The following OTOP1 variants were observed in gnomAD, a reference collection of about 807,000 sequenced individuals.
The protein encoded by OTOP1 is proton channel OTOP1.
In OTOP1, 59 loss-of-function variants were observed where a neutral mutation model predicts 52.9. The observed-to-expected ratio is 1.12, with a 90% CI of 0.91 to 1.39. The LOEUF (loss-of-function observed/expected upper bound fraction) is 1.39, where lower values mean the gene tolerates loss of function less well. Among genes scored for constraint, OTOP1 ranks in the 40% most tolerant of loss-of-function variants. OTOP1 has a pLI of 0.00. For missense variants in OTOP1, 761 were observed against 800.9 expected (o/e 0.95, Z 0.60); for synonymous variants, 317 against 337.7 (o/e 0.94, Z 0.67).
chr4:4,198,135 C>T (rs781160613), intron 4 of OTOP1, 32 bp from the exon 5 acceptor site: 33 of 1,562,338 alleles, frequency 2.1e-5, no homozygotes, highest in Admixed American at 1.8e-4. Flanking sequence ...CACAGGAGGG[C>T]GATTAGCAGG....
At chr4:4,217,233 T>A (rs1250178664) in intron 1 of OTOP1, among the ~76,000 whole-genome samples, 1 of 152,228 alleles carries the variant, frequency 6.6e-6, no homozygotes, top group East Asian at 1.9e-4. Flanking sequence ...CATGAGGCAT[T>A]GTGTCAAGGG....
intron 5 of OTOP1, among the ~76,000 whole-genome samples, chr4:4,194,869 G>A (rs1466680949): frequency 3.9e-5 from 6 of 151,958 alleles, no homozygotes; most frequent in Admixed American, 3.9e-4. Flanking sequence ...TCCTTTATGT[G>A]TCTTTAAAAA....
chr4:4,205,550 T>A (rs1208177007), intron 3 of OTOP1, among the ~76,000 whole-genome samples: 1 of 152,146 alleles, frequency 6.6e-6, no homozygotes, highest in East Asian at 1.9e-4. Flanking sequence ...TTAGCTTTGT[T>A]TTGTCTTTAT....
intron 1 of OTOP1, among the ~76,000 whole-genome samples, chr4:4,219,927 ATG>A (rs1170422122): frequency 7.0e-6 from 1 of 142,082 alleles, no homozygotes; most frequent in African/African-American, 2.7e-5. Context: ...ATACGTATAC[ATG>A]TATACATATA....
chr4:4,217,513 T>A (rs1717178820), intron 1 of OTOP1, among the ~76,000 whole-genome samples: 1 of 152,202 alleles, frequency 6.6e-6, no homozygotes, highest in African/African-American at 2.4e-5. Context: ...TTTCAACAAC[T>A]ATTTATTGAG....
At chr4:4,201,541 A>T (rs1012345334) in intron 4 of OTOP1, among the ~76,000 whole-genome samples, 15 of 151,064 alleles carry the variant, frequency 9.9e-5, no homozygotes, top group Non-Finnish European at 1.9e-4. Flanking sequence ...GATTGATACC[A>T]AGGAGGACAT....
chr4:4,209,341 C>CT (rs1716975912), intron 2 of OTOP1, among the ~76,000 whole-genome samples: 3 of 151,896 alleles, frequency 2.0e-5, no homozygotes, highest in Non-Finnish European at 2.9e-5. Flanking sequence ...CATATATATA[C>CT]TTTTTTCCAT....
intron 3 of OTOP1, among the ~76,000 whole-genome samples, chr4:4,205,138 G>A (rs769082368): frequency 6.6e-6 from 1 of 152,130 alleles, no homozygotes; most frequent in African/African-American, 2.4e-5. Context: ...TTACCCTGTC[G>A]ATTCTTTCCT....
Position 4,197,619 on chromosome 4 carries a change from G to C in OTOP1, c.1215C>G (p.Ser405=). 2 of 1,614,028 alleles carry C rather than the reference G, an allele frequency of 1.2e-6. No homozygotes were observed. Among genetic ancestry groups the C allele is most frequent in the South Asian group, 1.1e-5 (1 of 91,038 alleles). The change falls in exon 5 of 6, where the codon TCC becomes TCG. Residue 405 remains serine (S), a synonymous_variant. Transcript: ENST00000296358. ...VGTASGSWLI[S]WGSILAILCA... ...AGAGGATGGCCAAGATTGAGCCCCA[G>C]GAGATAAGCCAGGAGCCCGAGGCAG...
chr4:4,226,345 A>C (rs1717432471), intron 1 of OTOP1, 117 bp downstream of exon 1: 2 of 1,033,554 alleles, frequency 1.9e-6, no homozygotes, highest in South Asian at 4.1e-5. Context: ...GCACAGAGAG[A>C]CCAAGGCAGA....
intron 1 of OTOP1, among the ~76,000 whole-genome samples, chr4:4,220,100 TA>T (rs1409974967): frequency 0.18 from 17,135 of 94,504 alleles, 2,105 homozygotes; most frequent in South Asian, 0.31. Context: ...TATATATATA[TA>T]TATATTTTTT....
chr4:4,201,118 A>C lies in OTOP1; in HGVS notation c.730+1330T>G, dbSNP rs549335073. 3.9e-5 allele frequency among the ~76,000 whole-genome samples: 6 copies of C among 152,290 alleles called. No individual in the cohort carries two copies. The South Asian group carries it at 1.2e-3, about 32-fold the overall frequency. On this transcript the variant is annotated intron_variant, in intron 4 of 5. Transcript: ENST00000296358. Reference sequence around the variant, plus strand: ...TCTCCGTGGCTTGATGGCTTCATCCATATAATGAGGTTAATATTGTCTACC... The same window carrying C: ...TCTCCGTGGCTTGATGGCTTCATCCCTATAATGAGGTTAATATTGTCTACC...
At chr4:4,190,400 G>T (rs745447029) in intron 5 of OTOP1, among the ~76,000 whole-genome samples, 1 of 152,170 alleles carries the variant, frequency 6.6e-6, no homozygotes, top group Non-Finnish European at 1.5e-5. Context: ...CTTGAACCCG[G>T]GAGGCGAAGC....
At chr4:4,202,179 C>A (rs1167386291) in intron 4 of OTOP1, among the ~76,000 whole-genome samples, 1 of 152,148 alleles carries the variant, frequency 6.6e-6, no homozygotes, top group Non-Finnish European at 1.5e-5. Context: ...CAAACTGGAC[C>A]ATGAGAAATG....
rs1560211477 is a variant in OTOP1, at chr4:4,220,019, A to ATATATATGTATACATATATATATACG, written c.403+6442_403+6443insCGTATATATATATGTATACATATATA. On this transcript the variant is annotated intron_variant, in intron 1 of 5. Coordinates refer to ENST00000296358, the MANE Select transcript of OTOP1 (RefSeq NM_177998.3). ...TGTATATACATATATATGTATATACATGTATATACGTATATATGTATACAT... is the reference window on the plus strand; with the variant it reads ...TGTATATACATATATATGTATATACATATATATGTATACATATATATATACGTGTATATACGTATATATGTATACAT... Among the ~76,000 whole-genome samples, 69 of 118,184 alleles carry ATATATATGTATACATATATATATACG rather than the reference A, an allele frequency of 5.8e-4. 3 individuals carry two copies. The highest frequency in any genetic ancestry group is 1.9e-3 in the African/African-American group (55 of 28,406). The allele number at this position is 118,184 out of a possible 152,430, so 77.5% of individuals were successfully genotyped here.
chr4:4,196,312 G>A (rs572312804), intron 5 of OTOP1, among the ~76,000 whole-genome samples: 2 of 152,254 alleles, frequency 1.3e-5, no homozygotes, highest in African/African-American at 2.4e-5. Flanking sequence ...AGCATTTTGG[G>A]AGGCCAAGGT....
rs201668887 is a variant in OTOP1, at chr4:4,197,850, C to A, written c.984G>T (p.Val328=). Residue 328 remains valine, a synonymous_variant, in exon 5 of 6, where the codon GTG becomes GTT. Coordinates refer to ENST00000296358, the MANE Select transcript of OTOP1 (RefSeq NM_177998.3). ...GLTVLAATIA[V]VVVYLIHIGR... ...CAATATGAATCAGGTATACCACCAC[C>A]ACAGCAATGGTGGCGGCCAGCACGG... is the stretch of plus-strand genomic sequence containing the variant. The A allele has an allele frequency of 3.1e-6, 5 of 1,614,092 alleles. No homozygotes were observed. In the African/African-American group the frequency reaches 4.0e-5, roughly 13 times the overall value.
At chr4:4,218,525 G>A (rs906152048) in intron 1 of OTOP1, among the ~76,000 whole-genome samples, 1 of 152,126 alleles carries the variant, frequency 6.6e-6, no homozygotes, top group African/African-American at 2.4e-5. Flanking sequence ...GTACCCTAAA[G>A]GTCTCATCCC....
intron 1 of OTOP1, among the ~76,000 whole-genome samples, chr4:4,219,486 T>G (rs1047244731): frequency 1.4e-4 from 21 of 151,900 alleles, no homozygotes; most frequent in South Asian, 1.1e-3. Context: ...CGGATCAGGA[T>G]GTCGGGAGAT....
Sources: gnomAD v4.1 joint callset for allele counts (sites outside exome capture counted in the v4.1 genomes callset) on GRCh38, gnomAD v4.1.1 for gene constraint, MANE v1.5 for transcripts, NCBI Gene and HGNC (gene_info 2026-07-23, HGNC 2026-07-21) for gene names.